MITD1: variants seen among roughly 807,000 people sequenced by gnomAD.
MITD1 encodes the protein MIT domain-containing protein 1.
A neutral mutation model predicts 34.9 loss-of-function variants in MITD1; 24 were observed. The ratio of observed to expected loss-of-function variants is 0.69; its 90% CI spans 0.50 to 0.97. MITD1 has a LOEUF of 0.97. Among genes scored for constraint, MITD1 ranks in the 50% least tolerant of loss-of-function variants. MITD1 has a pLI of 0.00. For missense variants in MITD1, 266 were observed against 294.6 expected, an observed-to-expected ratio of 0.90 and a Z score of 0.71; for synonymous variants, 102 against 101.4, an observed-to-expected ratio of 1.01 and a Z score of -0.04.
At chr2:99,173,243 A>G (rs190357335) in intron 2 of MITD1, 1 of 274,030 alleles carries the variant, frequency 3.6e-6, no homozygotes, top group East Asian at 7.7e-5. Context: ...TAGAAAGTAT[A>G]GAGAGGAAGA....
At chr2:99,162,188 T>G (rs1232107390) in exon 8 of MITD1, 2 of 1,614,080 alleles carry the variant, frequency 1.2e-6, no homozygotes, top group South Asian at 1.1e-5. Flanking sequence ...TTGGTAGGCA[T>G]CAAAATCCTT....
chr2:99,179,470 G>A (rs148759775), intron 1 of MITD1, among the ~76,000 whole-genome samples: 191 of 152,292 alleles, frequency 1.3e-3, no homozygotes, highest in African/African-American at 4.4e-3. Context: ...GCAATGCCTG[G>A]CACTCAGCAC....
intron 4 of MITD1, chr2:99,171,039 T>C (rs1418773209): frequency 1.0e-5 from 3 of 298,740 alleles, no homozygotes; most frequent in East Asian, 1.3e-4. Flanking sequence ...CCCCCAGATA[T>C]AATAATTGGT....
downstream of MITD1, among the ~76,000 whole-genome samples, chr2:99,168,866 AC>A (rs2093839362): frequency 1.3e-5 from 2 of 150,020 alleles, no homozygotes; most frequent in Admixed American, 1.3e-4. Flanking sequence ...TGCAGCCTCA[AC>A]CTCCTAGGCT....
intron 2 of MITD1, chr2:99,173,474 G>C: frequency 2.1e-6 from 1 of 470,324 alleles, no homozygotes; most frequent in South Asian, 1.6e-5. Context: ...AACAAAATCT[G>C]AGAGAAATCC....
At chr2:99,166,858 AATATATATATATATATATATAT>A (rs10584187), downstream of MITD1, among the ~76,000 whole-genome samples, 291 of 115,404 alleles carry the variant, frequency 2.5e-3, 1 homozygote, top group African/African-American at 8.9e-3. Flanking sequence ...TGGGGTTTTA[AATATATATATATATATATATAT>A]ATATATATAT....
intron 1 of MITD1, 61 bp from the exon 2 acceptor site, chr2:99,174,077 A>G: frequency 1.1e-6 from 1 of 929,648 alleles, no homozygotes; most frequent in Admixed American, 2.8e-5. Context: ...TAATTTGGGC[A>G]TTATTTTCAG....
intron 1 of MITD1, among the ~76,000 whole-genome samples, chr2:99,180,525 A>C (rs2093911933): frequency 6.6e-6 from 1 of 152,206 alleles, no homozygotes; most frequent in Non-Finnish European, 1.5e-5. Flanking sequence ...AGATCCAAAA[A>C]TGTCTTTTAA....
At chr2:99,167,736 G>T (rs1013497332), downstream of MITD1, among the ~76,000 whole-genome samples, 1 of 152,162 alleles carries the variant, frequency 6.6e-6, no homozygotes, top group African/African-American at 2.4e-5. Context: ...CTTCGGATCA[G>T]GCCAACACTT....
In MITD1 at chr2:99,163,011, T is replaced by C. The variant is rs1212921850; in HGVS notation, c.*4-793A>G. ...GCTAACAAATATATTACTTAGAACA[T>C]GTCCACAAGACCACAAACTAAACAG... On this transcript the variant is annotated intron_variant, in intron 7 of 7. Transcript: ENST00000422537. The C allele has an allele frequency of 2.5e-6, 4 of 1,608,260 alleles. No homozygotes were observed. In the South Asian group the frequency reaches 4.4e-5, roughly 18 times the overall value.
intron 2 of MITD1, chr2:99,172,384 TA>T (rs61302679): frequency 0.016 from 2,081 of 132,376 alleles, 12 homozygotes; most frequent in African/African-American, 0.038. Context: ...GACTCTGCCT[TA>T]AAAAAAAAAA....
At chr2:99,171,475 A>G (rs2093857324) in intron 3 of MITD1, 35 bp downstream of exon 3, 1 of 1,593,588 alleles carries the variant, frequency 6.3e-7, no homozygotes, top group South Asian at 1.1e-5. Flanking sequence ...TACATTGAAT[A>G]TGATATTTCA....
At chr2:99,175,374 T>C (rs572879829) in intron 1 of MITD1, among the ~76,000 whole-genome samples, 8 of 152,358 alleles carry the variant, frequency 5.3e-5, no homozygotes, top group African/African-American at 1.4e-4. Flanking sequence ...TTAGGAATAA[T>C]ATTGGTCAGT....
At chr2:99,161,822 TA>T, downstream of MITD1, 1 of 660,242 alleles carries the variant, frequency 1.5e-6, no homozygotes, top group Non-Finnish European at 2.5e-6. Context: ...AGACTAATTG[TA>T]AAGCTAAAAG....
At chr2:99,171,803 T>C (rs2093859980) in intron 2 of MITD1, 157 bp from the exon 3 acceptor site, 1 of 682,134 alleles carries the variant, frequency 1.5e-6, no homozygotes, top group Non-Finnish European at 2.4e-6. Context: ...TCATATACAT[T>C]GCAGGATGTT....
At chr2:99,164,304 G>GC (rs2093816150), downstream of MITD1, among the ~76,000 whole-genome samples, 1 of 151,516 alleles carries the variant, frequency 6.6e-6, no homozygotes, top group Admixed American at 6.6e-5. Flanking sequence ...AGCCCCCATG[G>GC]CCCCCCTCCT....
At chr2:99,167,364 A>G (rs2093831880), downstream of MITD1, among the ~76,000 whole-genome samples, 2 of 152,188 alleles carry the variant, frequency 1.3e-5, no homozygotes, top group African/African-American at 4.8e-5. Context: ...TTGTTCATAT[A>G]GTTCTTAACA....
intron 7 of MITD1, chr2:99,163,179 CAAA>C (rs35419218): frequency 1.4e-5 from 5 of 349,036 alleles, no homozygotes; most frequent in East Asian, 5.5e-5. Flanking sequence ...TTAGTAACGT[CAAA>C]AAAAAAAAAC....
intron 7 of MITD1, chr2:99,162,757 A>T (rs2093806614): frequency 3.7e-6 from 6 of 1,614,216 alleles, no homozygotes; most frequent in Non-Finnish European, 5.1e-6. Flanking sequence ...AAAGAACTGC[A>T]AACTTGGGAG....
Sources: gnomAD v4.1 joint callset for allele counts (sites outside exome capture counted in the v4.1 genomes callset) on GRCh38, gnomAD v4.1.1 for gene constraint, MANE v1.5 for transcripts, NCBI Gene and HGNC (gene_info 2026-07-23, HGNC 2026-07-21) for gene names.